The following GRAMD1B variants were observed in gnomAD, a reference collection of about 807,000 sequenced individuals.
GRAMD1B encodes protein Aster-B.
In GRAMD1B, 37 loss-of-function variants were observed where a neutral mutation model predicts 99.7. That is an observed-to-expected ratio of 0.37 (90% CI 0.29 to 0.49). The LOEUF is 0.49. Ranked by LOEUF, GRAMD1B falls within the 20% of genes least tolerant of loss-of-function variation. The pLI is 0.98. For missense variants in GRAMD1B, 888 were observed against 1,009.2 expected, an observed-to-expected ratio of 0.88 and a Z score of 1.63; for synonymous variants, 427 against 387.6, an observed-to-expected ratio of 1.10 and a Z score of -1.19.
At chr11:123,576,226 C>T (rs751289030) in intron 2 of GRAMD1B, among the ~76,000 whole-genome samples, 19 of 152,250 alleles carry the variant, frequency 1.2e-4, no homozygotes, top group Non-Finnish European at 2.5e-4. Flanking sequence ...CCCAGCCCTG[C>T]ACCCCACTCC....
At chr11:123,507,614 A>C (rs1431397881) in intron 2 of GRAMD1B, among the ~76,000 whole-genome samples, 2 of 152,250 alleles carry the variant, frequency 1.3e-5, no homozygotes, top group Non-Finnish European at 2.9e-5. Context: ...TAAGGTGAAC[A>C]TGAGTAAATT....
At chr11:123,461,519 A>G (rs1255331634) in intron 1 of GRAMD1B, among the ~76,000 whole-genome samples, 1 of 152,218 alleles carries the variant, frequency 6.6e-6, no homozygotes, top group African/African-American at 2.4e-5. Flanking sequence ...GTCCTGGCCT[A>G]TGCCTTGGCA....
chr11:123,529,688 T>G (rs1037461606), intron 2 of GRAMD1B, among the ~76,000 whole-genome samples: 1 of 152,210 alleles, frequency 6.6e-6, no homozygotes, highest in African/African-American at 2.4e-5. Flanking sequence ...CTCACCAATC[T>G]TCCGCAGCTT....
intron 1 of GRAMD1B, among the ~76,000 whole-genome samples, chr11:123,476,799 A>G (rs975997618): frequency 3.9e-5 from 6 of 152,086 alleles, no homozygotes; most frequent in Non-Finnish European, 7.4e-5. Context: ...TCATTTCTGC[A>G]TGTCTTGAGT....
chr11:123,608,481 C>A, intron 11 of GRAMD1B, 178 bp from the exon 12 acceptor site: 1 of 1,523,006 alleles, frequency 6.6e-7, no homozygotes, highest in Non-Finnish European at 8.8e-7. Context: ...AAGAAAGAGA[C>A]CGAAAGCAAA....
chr11:123,482,009 G>A (rs1454238133), intron 2 of GRAMD1B, among the ~76,000 whole-genome samples: 1 of 152,064 alleles, frequency 6.6e-6, no homozygotes, highest in African/African-American at 2.4e-5. Context: ...ATAGAATCAA[G>A]ACTTAATATT....
At chr11:123,596,074 C>T (rs959769955) in intron 7 of GRAMD1B, 37 bp downstream of exon 7, 1 of 1,050,606 alleles carries the variant, frequency 9.5e-7, no homozygotes, top group Admixed American at 2.0e-5. Flanking sequence ...CTAATCCTCC[C>T]TTACTCCTCC....
chr11:123,618,103 G>A (rs1393999010), intron 17 of GRAMD1B, among the ~76,000 whole-genome samples: 1 of 152,206 alleles, frequency 6.6e-6, no homozygotes, highest in Admixed American at 6.5e-5. Flanking sequence ...CCTAAGGTTG[G>A]GTTGGTAGGG....
intron 19 of GRAMD1B, among the ~76,000 whole-genome samples, chr11:123,622,186 A>G (rs1417645828): frequency 6.6e-6 from 1 of 152,006 alleles, no homozygotes; most frequent in African/African-American, 2.4e-5. Flanking sequence ...AAGCCTGGCT[A>G]TAATTTTTAA....
chr11:123,478,055 G>A (rs1203576934), intron 1 of GRAMD1B, among the ~76,000 whole-genome samples: 1 of 152,106 alleles, frequency 6.6e-6, no homozygotes, highest in Non-Finnish European at 1.5e-5. Context: ...GCCTCCCAAA[G>A]TTCTGGGATT....
At chr11:123,418,927 G>A (rs1033262744) in intron 1 of GRAMD1B, among the ~76,000 whole-genome samples, 4 of 152,180 alleles carry the variant, frequency 2.6e-5, no homozygotes, top group South Asian at 2.1e-4. Flanking sequence ...ACACAACAAC[G>A]ATGAATGGGA....
chr11:123,507,727 C>T (rs2846301), intron 2 of GRAMD1B, among the ~76,000 whole-genome samples: 105,086 of 151,994 alleles, frequency 0.69, 36,478 homozygotes, highest in Middle Eastern at 0.72. Context: ...AAGATTTTTT[C>T]CTTAATGTTT....
intron 1 of GRAMD1B, among the ~76,000 whole-genome samples, chr11:123,393,123 G>GCC (rs1947337489): frequency 6.6e-6 from 1 of 152,066 alleles, no homozygotes; most frequent in Non-Finnish European, 1.5e-5. Context: ...ATGCTAGAAG[G>GCC]GACATTGAAG....
At position 123,625,884 on chromosome 11, in the gene GRAMD1B, G is replaced by A. The variant is rs1262860594; in HGVS notation, c.*3289G>A. The A allele has an allele frequency of 6.6e-6, 1 of 150,422 alleles. No homozygotes were observed. Among genetic ancestry groups the A allele is most frequent in the Non-Finnish European group, 1.5e-5 (1 of 67,902 alleles). 9.3% of individuals were successfully genotyped at this position (150,422 alleles called of 1,614,324 possible). A position where few individuals can be genotyped will look rare whatever the true frequency, so the allele number is the denominator to read the frequency against. ...TGTCTGCATTCCCAGGAGACCCAGG[G>A]TGATTAAAATTTATTCTTTAGGTGG... On this transcript the variant is annotated 3_prime_UTR_variant, in exon 20 of 20. Coordinates refer to ENST00000635736, the MANE Select transcript of GRAMD1B (RefSeq NM_001387025.1).
At chr11:123,471,633 C>T (rs1260536534) in intron 1 of GRAMD1B, among the ~76,000 whole-genome samples, 2 of 152,122 alleles carry the variant, frequency 1.3e-5, no homozygotes, top group African/African-American at 4.8e-5. Context: ...TAACTATTGT[C>T]GTTGGTCTTG....
chr11:123,416,879 G>A (rs1053331259), intron 1 of GRAMD1B, among the ~76,000 whole-genome samples: 4 of 152,160 alleles, frequency 2.6e-5, no homozygotes. Flanking sequence ...CTTGAGATGG[G>A]CACTATTATT....
At chr11:123,396,065 C>A (rs895869112) in intron 1 of GRAMD1B, among the ~76,000 whole-genome samples, 2 of 152,248 alleles carry the variant, frequency 1.3e-5, no homozygotes, top group African/African-American at 4.8e-5. Flanking sequence ...ATGGACCCAG[C>A]TGTGGTACAG....
intron 2 of GRAMD1B, among the ~76,000 whole-genome samples, chr11:123,541,796 G>A (rs1020512097): frequency 3.3e-5 from 5 of 152,122 alleles, no homozygotes; most frequent in African/African-American, 1.2e-4. Flanking sequence ...TCCTCCTGAA[G>A]TTTAAGAGTA....
At chr11:123,531,673 G>T (rs1943384863) in intron 2 of GRAMD1B, among the ~76,000 whole-genome samples, 1 of 148,978 alleles carries the variant, frequency 6.7e-6, no homozygotes, top group East Asian at 2.0e-4. Context: ...CTGGACATTT[G>T]TCCCCTAAAT....
Sources: allele counts gnomAD v4.1 joint callset (sites outside exome capture counted in the v4.1 genomes callset), GRCh38; gene constraint gnomAD v4.1.1; transcripts MANE v1.5; gene names NCBI Gene and HGNC (gene_info 2026-07-23, HGNC 2026-07-21).